The following TTC28 variants were observed in gnomAD, a reference collection of about 807,000 sequenced individuals.
TTC28 encodes tetratricopeptide repeat protein 28.
TTC28 carries 61 observed loss-of-function variants against 198.0 expected under a neutral mutation model. The observed-to-expected ratio is 0.31, with a 90% confidence interval of 0.25 to 0.38. The LOEUF (loss-of-function observed/expected upper bound fraction) is 0.38. Ranked by LOEUF, TTC28 falls within the 10% of genes least tolerant of loss-of-function variation. TTC28 has a pLI of 1.00. For missense variants in TTC28, 2,678 were observed against 3,164.0 expected (o/e 0.85, Z 3.69); for synonymous variants, 1,171 against 1,297.8 (o/e 0.90, Z 2.10).
At chr22:28,386,029 C>A (rs1453271505) in intron 2 of TTC28, among the ~76,000 whole-genome samples, 1 of 152,044 alleles carries the variant, frequency 6.6e-6, no homozygotes, top group East Asian at 1.9e-4. Context: ...GTAATCCCAG[C>A]ACTTTGGGAG....
At chr22:28,226,938 G>A (rs553916476) in intron 5 of TTC28, among the ~76,000 whole-genome samples, 2 of 151,086 alleles carry the variant, frequency 1.3e-5, no homozygotes, top group African/African-American at 4.9e-5. Context: ...TTTTTGTTTT[G>A]TTTTGTGACA....
chr22:28,088,624 C>T (rs1042281681), intron 12 of TTC28, among the ~76,000 whole-genome samples: 4 of 152,170 alleles, frequency 2.6e-5, no homozygotes, highest in Non-Finnish European at 5.9e-5. Flanking sequence ...GTGTATAAAA[C>T]ATCAAAAGCA....
chr22:28,591,030 CACACACACACATATATATATATATAT>C (rs1213944020), intron 2 of TTC28, among the ~76,000 whole-genome samples: 10 of 68,524 alleles, frequency 1.5e-4, no homozygotes, highest in Non-Finnish European at 2.3e-4. Context: ...CACACACACA[CACACACACACATATATATATATATAT>C]ATATATATAT....
intron 2 of TTC28, among the ~76,000 whole-genome samples, chr22:28,505,124 G>A (rs1370226946): frequency 6.6e-6 from 1 of 151,844 alleles, no homozygotes; most frequent in Admixed American, 6.6e-5. Context: ...AGGCATGGTG[G>A]CACATGCCTG....
rs1000777050 is a variant in TTC28, at chr22:28,309,896, A to G, written c.382-3253T>C. ...GAAGCTTTAGCCAAGAAGAAGAGAA[A>G]TGTACAGGGAGCTAGTTAATACACT... On this transcript the variant is annotated intron_variant, in intron 2 of 22. Transcript: ENST00000397906. Among the ~76,000 whole-genome samples the G allele has an allele frequency of 4.6e-5, 7 of 152,256 alleles. No individual in the cohort carries two copies. In the East Asian group the frequency reaches 7.7e-4, roughly 17 times the overall value.
At chr22:28,325,076 T>A (rs1213208191) in intron 2 of TTC28, among the ~76,000 whole-genome samples, 1 of 90,670 alleles carries the variant, frequency 1.1e-5, no homozygotes, top group Non-Finnish European at 2.4e-5. Context: ...TGTACTCTGG[T>A]TGAATTCGGC....
Position 27,983,748 on chromosome 22 carries a change from C to G in TTC28, c.5919G>C (p.Gln1973His), listed in dbSNP as rs892371429. Reference sequence around the variant, plus strand: ...CACCGGTGGGAGAGAAGGGGGGTTGCTGGTAACCCAAGGGCAGGGCGTTGG... The same window carrying G: ...CACCGGTGGGAGAGAAGGGGGGTTGGTGGTAACCCAAGGGCAGGGCGTTGG... ...SVSNALPLGY[Q>H]QPPFSPTGAD... The change falls in exon 23 of 23, where the codon CAG becomes CAC. Residue 1973 changes from glutamine (Q) to histidine (H), a missense_variant. Physicochemically the swap from Gln to His is conservative, Grantham distance 24. This residue lies in a region of TTC28 where 622 missense variants were observed against 656.0 expected (regional missense o/e 0.95). Transcript: ENST00000397906. 1 of 1,551,582 alleles carries G rather than the reference C, an allele frequency of 6.4e-7. No individual in the cohort carries two copies. The highest frequency in any genetic ancestry group is 8.7e-7 in the Non-Finnish European group (1 of 1,146,998).
chr22:28,403,211 C>T (rs1234457552), intron 2 of TTC28, among the ~76,000 whole-genome samples: 1 of 152,180 alleles, frequency 6.6e-6, no homozygotes, highest in Non-Finnish European at 1.5e-5. Flanking sequence ...TTGCTATTGG[C>T]CAATAGTCTA....
chr22:28,030,093 A>G, intron 13 of TTC28, 133 bp downstream of exon 13: 5 of 1,321,368 alleles, frequency 3.8e-6, no homozygotes, highest in Non-Finnish European at 4.1e-6. Flanking sequence ...TGAAAGCATC[A>G]TGCTTGCTGC....
chr22:28,522,280 A>G (rs1367826636), intron 2 of TTC28, among the ~76,000 whole-genome samples: 1 of 152,186 alleles, frequency 6.6e-6, no homozygotes, highest in African/African-American at 2.4e-5. Flanking sequence ...CAGAGTCAGG[A>G]GTTTGAGACC....
At chr22:27,990,061 C>T (rs1336301299) in intron 20 of TTC28, 54 bp from the exon 21 acceptor site, 1 of 1,525,880 alleles carries the variant, frequency 6.6e-7, no homozygotes, top group Non-Finnish European at 8.9e-7. Context: ...CTCCAGCCCA[C>T]CTCAAGACTC....
At chr22:28,133,461 C>A (rs1943111909) in intron 6 of TTC28, among the ~76,000 whole-genome samples, 1 of 152,126 alleles carries the variant, frequency 6.6e-6, no homozygotes, top group Non-Finnish European at 1.5e-5. Flanking sequence ...CCTTTCCTAG[C>A]CAAGGGAAGC....
At chr22:28,419,723 T>G (rs980396634) in intron 2 of TTC28, among the ~76,000 whole-genome samples, 4 of 152,194 alleles carry the variant, frequency 2.6e-5, no homozygotes, top group African/African-American at 9.6e-5. Flanking sequence ...CAAAAGAAAC[T>G]ATTTCACTTT....
chr22:28,562,142 T>C (rs927012444), intron 2 of TTC28, among the ~76,000 whole-genome samples: 1 of 152,128 alleles, frequency 6.6e-6, no homozygotes, highest in Non-Finnish European at 1.5e-5. Context: ...ATTAAGTACT[T>C]TGAATATAAG....
intron 2 of TTC28, among the ~76,000 whole-genome samples, chr22:28,499,605 T>C (rs1239575789): frequency 6.6e-6 from 1 of 152,116 alleles, no homozygotes; most frequent in African/African-American, 2.4e-5. Context: ...GTATATCATA[T>C]AGAGAGATTA....
chr22:28,552,053 C>T (rs1422709927), intron 2 of TTC28, among the ~76,000 whole-genome samples: 1 of 152,122 alleles, frequency 6.6e-6, no homozygotes, highest in Non-Finnish European at 1.5e-5. Context: ...AATTAATACA[C>T]ACAAATCAGT....
intron 2 of TTC28, among the ~76,000 whole-genome samples, chr22:28,615,019 T>C (rs1282946071): frequency 1.3e-5 from 2 of 152,040 alleles, no homozygotes; most frequent in East Asian, 1.9e-4. Flanking sequence ...ACCTACAGAA[T>C]GGGAGAAAAT....
At chr22:28,211,199 T>C (rs1348945651) in intron 5 of TTC28, among the ~76,000 whole-genome samples, 1 of 152,084 alleles carries the variant, frequency 6.6e-6, no homozygotes, top group Non-Finnish European at 1.5e-5. Flanking sequence ...TAAAGACCAT[T>C]GATGCTAGGA....
intron 1 of TTC28, among the ~76,000 whole-genome samples, chr22:28,660,350 G>T (rs2051722702): frequency 6.6e-6 from 1 of 151,926 alleles, no homozygotes; most frequent in East Asian, 1.9e-4. Flanking sequence ...TTTAGAGACG[G>T]AGTCTCGCTC....
Sources: gnomAD v4.1 joint callset for allele counts (sites outside exome capture counted in the v4.1 genomes callset) on GRCh38, gnomAD v4.1.1 for gene constraint, gnomAD v4.1.1 regional missense constraint, MANE v1.5 for transcripts, NCBI Gene and HGNC (gene_info 2026-07-23, HGNC 2026-07-21) for gene names.